The following SMARCB1 variants were observed in gnomAD, a reference collection of about 807,000 sequenced individuals.
SMARCB1 encodes the protein SWI/SNF related BAF chromatin remodeling complex subunit B1, also known as SWI/SNF-related matrix-associated actin-dependent regulator of chromatin subfamily B member 1.
Under a neutral mutation model 49.0 loss-of-function variants are expected in SMARCB1, and 5 were observed. The ratio of observed to expected loss-of-function variants is 0.10; its 90% confidence interval spans 0.05 to 0.21. The LOEUF (loss-of-function observed/expected upper bound fraction) is 0.21, where lower values mean the gene tolerates loss of function less well. SMARCB1 is among the 10% of genes least tolerant of loss of function. SMARCB1 has a pLI of 1.00. For synonymous variants in SMARCB1, 201 were observed against 200.1 expected, an observed-to-expected ratio of 1.00 and a Z score of -0.04; for missense variants, 226 against 509.2, an observed-to-expected ratio of 0.44 and a Z score of 5.35.
chr22:23,833,550 T>C, intron 7 of SMARCB1, 22 bp from the exon 8 acceptor site: 1 of 1,614,166 alleles, frequency 6.2e-7, no homozygotes, highest in Non-Finnish European at 8.5e-7. Context: ...GTCATTCCTC[T>C]CACTGCCTCC....
chr22:23,798,230 A>C (rs899492978), intron 3 of SMARCB1, among the ~76,000 whole-genome samples: 2 of 152,018 alleles, frequency 1.3e-5, no homozygotes, highest in Non-Finnish European at 2.9e-5. Flanking sequence ...GTGGGAAGTC[A>C]CTCCACCTGG....
At position 23,834,960 on chromosome 22, in the gene SMARCB1, A is replaced by G; in HGVS notation, c.*780A>G. 1 of 1,569,596 alleles carries G rather than the reference A, an allele frequency of 6.4e-7. No individual in the cohort carries two copies. Among genetic ancestry groups the G allele is most frequent in the Non-Finnish European group, 8.6e-7 (1 of 1,160,032 alleles). On this transcript the variant is annotated 3_prime_UTR_variant, in exon 9 of 9. Transcript: ENST00000644036. Reference sequence around the variant, plus strand: ...GCGGAGGGCCCAGTCCTGTGTGGGCACTGCTGGGCTGTCGCCAGCCTGGGT... The same window carrying G: ...GCGGAGGGCCCAGTCCTGTGTGGGCGCTGCTGGGCTGTCGCCAGCCTGGGT...
At chr22:23,804,421 G>C (rs988378322) in intron 5 of SMARCB1, 1 of 152,120 alleles carries the variant, frequency 6.6e-6, no homozygotes, top group Non-Finnish European at 1.5e-5. Context: ...CTCACCACCT[G>C]AATAATGTTT....
chr22:23,796,128 A>G (rs1928736757), intron 3 of SMARCB1, among the ~76,000 whole-genome samples: 2 of 152,068 alleles, frequency 1.3e-5, no homozygotes, highest in South Asian at 4.1e-4. Flanking sequence ...CTGACATCAA[A>G]CTTTTTTGTT....
chr22:23,787,559 G>T (rs890915786), intron 1 of SMARCB1, among the ~76,000 whole-genome samples: 7 of 152,350 alleles, frequency 4.6e-5, no homozygotes, highest in Admixed American at 3.3e-4. Context: ...CAGACGCAAA[G>T]AAACGGGATA....
At chr22:23,803,693 A>G (rs1027216675) in intron 5 of SMARCB1, 4 of 533,238 alleles carry the variant, frequency 7.5e-6, no homozygotes, top group East Asian at 3.4e-5. Flanking sequence ...TCTGCATAGC[A>G]TGGATGATGA....
Position 23,836,082 on chromosome 22 carries a change from C to G in SMARCB1, c.*1902C>G. 2.0e-6 allele frequency: 2 copies of G among 985,438 alleles called. No homozygotes were observed. The highest frequency in any genetic ancestry group is 2.4e-6 in the Non-Finnish European group (2 of 829,942). 61.0% of individuals were successfully genotyped at this position (985,438 alleles called of 1,614,324 possible). On this transcript the variant is annotated 3_prime_UTR_variant, in exon 9 of 9. Transcript: ENST00000644036. ...GCCAGGTCAGAAGAGAAAAATGAGC[C>G]ACAGGGGTCGGATAAGGCTCACACA...
Position 23,828,114 on chromosome 22 carries a change from G to A in SMARCB1, c.986+2699G>A, listed in dbSNP as rs527934635. Reference sequence around the variant, plus strand: ...GTCGCCCAGGCTGGAGTGCAGTGGCGTGATCTCGGCTCACTGCAAGCTCTG... The same window carrying A: ...GTCGCCCAGGCTGGAGTGCAGTGGCATGATCTCGGCTCACTGCAAGCTCTG... On this transcript the variant is annotated intron_variant, in intron 7 of 8. Coordinates refer to ENST00000644036, the MANE Select transcript of SMARCB1 (RefSeq NM_003073.5). Among the ~76,000 whole-genome samples, 18 of 152,220 alleles carry A rather than the reference G, an allele frequency of 1.2e-4. 1 individual carries two copies. In the South Asian group the frequency reaches 2.1e-3, roughly 18 times the overall value.
At chr22:23,813,997 T>C (rs1930033179) in intron 5 of SMARCB1, among the ~76,000 whole-genome samples, 1 of 152,016 alleles carries the variant, frequency 6.6e-6, no homozygotes. Context: ...GCCTGGCTAA[T>C]TTTTGTATTT....
rs1461150197 is a variant in SMARCB1 at position 23,787,061 on chromosome 22, G to A, written c.-109G>A. ...GAGGCGCCAGTACCCGGCCCGGTCC[G>A]CATTTCGCCTTCCGGCTTCGGTTTC... On this transcript the variant is annotated 5_prime_UTR_variant, in exon 1 of 9. Transcript: ENST00000644036. The A allele has an allele frequency of 4.1e-6, 3 of 726,534 alleles. No individual in the cohort carries two copies. Among genetic ancestry groups the A allele is most frequent in the East Asian group, 3.1e-5 (1 of 32,742 alleles). The allele number at this position is 726,534 out of a possible 1,614,324, so 45.0% of individuals were successfully genotyped here.
rs1405339756 is a variant in SMARCB1, at chr22:23,811,638, ATACACAGACC to A, written c.629-5129_629-5120del. Reference sequence around the variant, plus strand: ...GAAGTCTGTAGGGAAATTTAAAAACATACACAGACCTAAATGAAAATGCAGCATATCAGAA... The same window carrying A: ...GAAGTCTGTAGGGAAATTTAAAAACATAAATGAAAATGCAGCATATCAGAA... On this transcript the variant is annotated intron_variant, in intron 5 of 8. Transcript: ENST00000644036. Among the ~76,000 whole-genome samples the A allele has an allele frequency of 2.8e-4, 43 of 152,224 alleles. 1 individual carries two copies. The highest frequency in any genetic ancestry group is 2.8e-3 in the Admixed American group (43 of 15,272).
intron 3 of SMARCB1, among the ~76,000 whole-genome samples, chr22:23,794,479 C>T (rs940209944): frequency 8.6e-5 from 13 of 151,968 alleles, no homozygotes; most frequent in African/African-American, 3.1e-4. Context: ...GAGTTTAAGA[C>T]CAGCCTGGGG....
At chr22:23,800,083 C>T (rs1260606742) in intron 3 of SMARCB1, among the ~76,000 whole-genome samples, 2 of 152,210 alleles carry the variant, frequency 1.3e-5, no homozygotes, top group African/African-American at 2.4e-5. Flanking sequence ...TCCGCCTTGG[C>T]CTCCCAAAGT....
rs541205766 is a variant in SMARCB1 at position 23,803,643 on chromosome 22, G to T, written c.628+221G>T. The T allele has an allele frequency of 9.4e-6, 6 of 635,182 alleles. No homozygotes were observed. In the African/African-American group the frequency reaches 1.1e-4, roughly 11 times the overall value. 39.3% of individuals were successfully genotyped at this position (635,182 alleles called of 1,614,324 possible). On this transcript the variant is annotated intron_variant, in intron 5 of 8. Coordinates refer to ENST00000644036, the MANE Select transcript of SMARCB1 (RefSeq NM_003073.5). ...ACTTTGGACTCTTTCCCCATACTGA[G>T]GTTGGGTGGCCCAAGAGGCCTGGCA...
At chr22:23,794,965 C>A (rs985974913) in intron 3 of SMARCB1, among the ~76,000 whole-genome samples, 15 of 152,018 alleles carry the variant, frequency 9.9e-5, no homozygotes, top group Non-Finnish European at 2.1e-4. Flanking sequence ...AATTAAAAAA[C>A]CAAGTAATTG....
intron 7 of SMARCB1, among the ~76,000 whole-genome samples, chr22:23,832,372 T>A (rs2030698788): frequency 6.6e-6 from 1 of 152,184 alleles, no homozygotes; most frequent in Admixed American, 6.5e-5. Context: ...ACCTGTCCTC[T>A]CTATCAGTGT....
At position 23,786,996 on chromosome 22, in the gene SMARCB1, T is replaced by C; in HGVS notation, c.-174T>C. 2.0e-6 allele frequency: 1 copy of C among 500,728 alleles called. No individual in the cohort carries two copies. The highest frequency in any genetic ancestry group is 3.5e-6 in the Non-Finnish European group (1 of 285,368). The allele number at this position is 500,728 out of a possible 1,614,324, so 31.0% of individuals were successfully genotyped here. ...CGCCTGCGCACTGAGGGCGGCCTGG[T>C]CGTCGTCTGCGGCGGCGGCGGCGGC... is the stretch of plus-strand genomic sequence containing the variant. On this transcript the variant is annotated 5_prime_UTR_variant, in exon 1 of 9. Transcript: ENST00000644036.
At position 23,837,619 on chromosome 22, in the gene SMARCB1, T is replaced by C. The variant is rs1372510640; in HGVS notation, c.*3439T>C. 5 of 1,587,332 alleles carry C rather than the reference T, an allele frequency of 3.1e-6. No individual in the cohort carries two copies. Among genetic ancestry groups the C allele is most frequent in the Non-Finnish European group, 3.4e-6 (4 of 1,163,344 alleles). On this transcript the variant is annotated 3_prime_UTR_variant, in exon 9 of 9. Transcript: ENST00000644036. ...CATAAGCAGCGTGTCCTGAGGGGAG[T>C]GGCCAGCCTGGGGCGGACTAGATGT...
intron 7 of SMARCB1, among the ~76,000 whole-genome samples, chr22:23,828,055 CTTTTT>C (rs1444362166): frequency 6.6e-6 from 1 of 152,104 alleles, no homozygotes; most frequent in African/African-American, 2.4e-5. Context: ...TGTCACATGA[CTTTTT>C]GTTTTGTTTT....
Sources: gnomAD v4.1 joint callset for allele counts (sites outside exome capture counted in the v4.1 genomes callset) on GRCh38, gnomAD v4.1.1 for gene constraint, MANE v1.5 for transcripts, NCBI Gene and HGNC (gene_info 2026-07-23, HGNC 2026-07-21) for gene names.